The following PRR16 variants were observed in gnomAD, a reference collection of about 807,000 sequenced individuals.
The protein encoded by PRR16 is proline rich 16.
A neutral mutation model predicts 18.2 loss-of-function variants in PRR16; 6 were observed. The observed-to-expected ratio is 0.33, with a 90% confidence interval of 0.18 to 0.65. PRR16 has a LOEUF of 0.65. Among genes scored for constraint, PRR16 ranks in the 30% least tolerant of loss-of-function variants. The pLI is 0.74. For missense variants in PRR16, 412 were observed against 376.6 expected, an observed-to-expected ratio of 1.09 and a Z score of -0.78; for synonymous variants, 151 against 147.8, an observed-to-expected ratio of 1.02 and a Z score of -0.16.
intron 1 of PRR16, among the ~76,000 whole-genome samples, chr5:120,681,542 G>A (rs1458528688): frequency 6.6e-6 from 1 of 152,064 alleles, no homozygotes; most frequent in Non-Finnish European, 1.5e-5. Context: ...TGCATAACTT[G>A]ACTTACTTGT....
intron 1 of PRR16, among the ~76,000 whole-genome samples, chr5:120,646,804 T>C (rs368517222): frequency 6.6e-6 from 1 of 151,750 alleles, no homozygotes; most frequent in South Asian, 2.1e-4. Context: ...CAGGTGAGAA[T>C]TGAGAGGAAT....
intron 1 of PRR16, among the ~76,000 whole-genome samples, chr5:120,483,206 C>G (rs1749679043): frequency 6.6e-6 from 1 of 152,056 alleles, no homozygotes; most frequent in Non-Finnish European, 1.5e-5. Context: ...AAAAAGAATG[C>G]AAGAATTCAT....
intron 1 of PRR16, among the ~76,000 whole-genome samples, chr5:120,509,182 T>G (rs985095134): frequency 7.9e-5 from 12 of 152,152 alleles, no homozygotes; most frequent in African/African-American, 2.9e-4. Flanking sequence ...GTGTTTTGTG[T>G]TTCTAGTATT....
In PRR16 at chr5:120,464,633, G is replaced by T; in HGVS notation, c.147G>T (p.Lys49Asn). Residue 49 changes from lysine to asparagine, a missense_variant, in exon 1 of 2, where the codon AAG (lysine) becomes AAT (asparagine). Lys to Asn is a moderately conservative substitution (Grantham distance 94). Coordinates refer to ENST00000407149, the MANE Select transcript of PRR16 (RefSeq NM_001300783.2). The stretch of plus-strand genomic sequence containing the variant: ...TGGGCGACCTGAAGGACGTGGCCAA[G>T]GAACTTAAGGAGGTGAGAGGCGCAG... Reference protein sequence around the residue: ...LVLGDLKDVAKELKEVVDQID... With the variant: ...LVLGDLKDVANELKEVVDQID... 6.4e-7 allele frequency: 1 copy of T among 1,564,298 alleles called. No individual in the cohort carries two copies. The highest frequency in any genetic ancestry group is 2.3e-5 in the East Asian group (1 of 43,314).
intron 1 of PRR16, among the ~76,000 whole-genome samples, chr5:120,547,573 C>T (rs1434227873): frequency 6.7e-6 from 1 of 149,870 alleles, no homozygotes; most frequent in Non-Finnish European, 1.5e-5. Context: ...TTTTTTTTTA[C>T]AGTAGTAGCT....
chr5:120,654,437 A>T (rs1755898643), intron 1 of PRR16, among the ~76,000 whole-genome samples: 1 of 151,952 alleles, frequency 6.6e-6, no homozygotes, highest in Non-Finnish European at 1.5e-5. Flanking sequence ...CCTAGTATAT[A>T]ACAAACTACT....
At chr5:120,722,828 A>G in the PRR16 span, among the ~76,000 whole-genome samples, 3 of 129,572 alleles carry the variant, frequency 2.3e-5, no homozygotes, top group East Asian at 2.0e-4. Context: ...ATGGGTAGCA[A>G]TAGCACCTGG....
At chr5:120,743,461 A>T in the PRR16 span, among the ~76,000 whole-genome samples, 2 of 151,656 alleles carry the variant, frequency 1.3e-5, no homozygotes, top group African/African-American at 4.8e-5. Flanking sequence ...GTTGGGTTAA[A>T]TTTTCTTTCC....
At chr5:120,675,058 A>C (rs569059687) in intron 1 of PRR16, among the ~76,000 whole-genome samples, 1 of 152,242 alleles carries the variant, frequency 6.6e-6, no homozygotes, top group East Asian at 1.9e-4. Context: ...CTTCATCTTT[A>C]ACATTGATCA....
intron 1 of PRR16, chr5:120,465,726 A>C (rs1391276238): frequency 1.3e-5 from 2 of 152,228 alleles, no homozygotes; most frequent in Non-Finnish European, 2.9e-5. Flanking sequence ...GGGAGTCCGC[A>C]GCTCCGCTGC....
At chr5:120,787,940 T>G in the PRR16 span, among the ~76,000 whole-genome samples, 2 of 152,044 alleles carry the variant, frequency 1.3e-5, no homozygotes, top group Non-Finnish European at 2.9e-5. Context: ...TATAATTTTA[T>G]GCTATGCAAT....
intron 1 of PRR16, among the ~76,000 whole-genome samples, chr5:120,672,781 A>G (rs916249453): frequency 1.3e-5 from 2 of 152,220 alleles, no homozygotes; most frequent in Non-Finnish European, 2.9e-5. Flanking sequence ...CAAATACGAA[A>G]AGAGATTATA....
intron 1 of PRR16, among the ~76,000 whole-genome samples, chr5:120,507,447 G>A (rs1750682773): frequency 6.6e-6 from 1 of 152,060 alleles, no homozygotes; most frequent in Admixed American, 6.6e-5. Flanking sequence ...GTTAGCAAAA[G>A]TGGCAAATGT....
At chr5:120,569,955 C>A (rs1246665010) in intron 1 of PRR16, among the ~76,000 whole-genome samples, 1 of 152,094 alleles carries the variant, frequency 6.6e-6, no homozygotes, top group African/African-American at 2.4e-5. Context: ...TAAAAGCTTG[C>A]AATTCCAAGG....
intron 1 of PRR16, among the ~76,000 whole-genome samples, chr5:120,500,773 A>G (rs1750423603): frequency 6.6e-6 from 1 of 152,194 alleles, no homozygotes; most frequent in Non-Finnish European, 1.5e-5. Flanking sequence ...AGGACATAAC[A>G]TGTTTTATTT....
chr5:120,620,882 C>T (rs559249267), intron 1 of PRR16, among the ~76,000 whole-genome samples: 4 of 152,230 alleles, frequency 2.6e-5, no homozygotes, highest in African/African-American at 9.6e-5. Context: ...TTCTCCCCAT[C>T]GTCTCCATTG....
chr5:120,744,849 G>C, the PRR16 span, among the ~76,000 whole-genome samples: 1 of 152,116 alleles, frequency 6.6e-6, no homozygotes, highest in Non-Finnish European at 1.5e-5. Context: ...TGTCAATGGG[G>C]GGTAAAGTGG....
chr5:120,549,634 A>G (rs1752189501), intron 1 of PRR16, among the ~76,000 whole-genome samples: 1 of 151,982 alleles, frequency 6.6e-6, no homozygotes, highest in Non-Finnish European at 1.5e-5. Context: ...CTTATAATTT[A>G]GGAGCTAAAC....
intron 1 of PRR16, among the ~76,000 whole-genome samples, chr5:120,596,043 G>A (rs1185586227): frequency 6.6e-6 from 1 of 151,692 alleles, no homozygotes; most frequent in Non-Finnish European, 1.5e-5. Context: ...ATGGGAAATA[G>A]GACAGCCTTT....
Sources: allele counts gnomAD v4.1 joint callset (sites outside exome capture counted in the v4.1 genomes callset), GRCh38; gene constraint gnomAD v4.1.1; transcripts MANE v1.5; gene names NCBI Gene and HGNC (gene_info 2026-07-23, HGNC 2026-07-21).